Variants in NXPH2 observed in about 807,000 individuals in gnomAD.
NXPH2 encodes the protein neurexophilin 2, also known as neurexophilin-2.
Under a neutral mutation model 19.8 loss-of-function variants are expected in NXPH2, and 5 were observed. That is an observed-to-expected ratio of 0.25 (90% CI 0.13 to 0.53). The LOEUF (loss-of-function observed/expected upper bound fraction) is 0.53, where lower values mean the gene tolerates loss of function less well. Among genes scored for constraint, NXPH2 ranks in the 20% least tolerant of loss-of-function variants. The pLI is 0.96. For synonymous variants in NXPH2, 154 were observed against 127.4 expected (o/e 1.21, Z -1.41); for missense variants, 289 against 322.8 (o/e 0.90, Z 0.80).
intron 1 of NXPH2, among the ~76,000 whole-genome samples, chr2:138,752,142 G>T (rs1284021946): frequency 6.6e-6 from 1 of 152,146 alleles, no homozygotes; most frequent in Non-Finnish European, 1.5e-5. Flanking sequence ...AAGAGAGAAA[G>T]TCCACATATG....
chr2:138,736,686 C>A (rs900323076), intron 1 of NXPH2, among the ~76,000 whole-genome samples: 9 of 152,200 alleles, frequency 5.9e-5, no homozygotes, highest in Admixed American at 1.3e-4. Context: ...GCTTGAATCT[C>A]TCCTCCAAAA....
chr2:138,750,290 T>G (rs1681809423), intron 1 of NXPH2, among the ~76,000 whole-genome samples: 1 of 152,168 alleles, frequency 6.6e-6, no homozygotes, highest in African/African-American at 2.4e-5. Flanking sequence ...TTTTAACATC[T>G]CTCATGAAGT....
At chr2:138,760,454 C>G (rs1317592231) in intron 1 of NXPH2, among the ~76,000 whole-genome samples, 1 of 152,184 alleles carries the variant, frequency 6.6e-6, no homozygotes, top group African/African-American at 2.4e-5. Flanking sequence ...ACAGAGAAAA[C>G]CATACCTCAT....
chr2:138,686,584 G>T (rs1488707036), intron 1 of NXPH2, among the ~76,000 whole-genome samples: 1 of 151,820 alleles, frequency 6.6e-6, no homozygotes, highest in Non-Finnish European at 1.5e-5. Context: ...TAAGTTCTAG[G>T]GTACATGTGC....
At chr2:138,754,182 C>G (rs1681866745) in intron 1 of NXPH2, among the ~76,000 whole-genome samples, 1 of 152,068 alleles carries the variant, frequency 6.6e-6, no homozygotes, top group Non-Finnish European at 1.5e-5. Context: ...CCCCCAGCCT[C>G]TTTATTGATT....
Position 138,704,810 on chromosome 2 carries a change from C to T in NXPH2, c.52-33145G>A, listed in dbSNP as rs547655934. 8.3e-5 allele frequency among the ~76,000 whole-genome samples: 12 copies of T among 145,134 alleles called. No homozygotes were observed. In the South Asian group the frequency reaches 1.4e-3, roughly 17 times the overall value. ...TAGCTGGGACTACATGTGTGCACCA[C>T]CACGCCCAGCTAATTTTTTTTTTTT... On this transcript the variant is annotated intron_variant, in intron 1 of 1. Transcript: ENST00000272641.
chr2:138,717,233 C>T (rs576108683), intron 1 of NXPH2, among the ~76,000 whole-genome samples: 41 of 152,070 alleles, frequency 2.7e-4, no homozygotes, highest in African/African-American at 8.9e-4. Flanking sequence ...AATCATACAC[C>T]TACCCTATGA....
intron 1 of NXPH2, among the ~76,000 whole-genome samples, chr2:138,753,421 G>T (rs1489400495): frequency 6.6e-6 from 1 of 151,938 alleles, no homozygotes; most frequent in East Asian, 1.9e-4. Context: ...TCCTGCCCAG[G>T]TTCTAGAATC....
At chr2:138,688,365 A>T (rs898618100) in intron 1 of NXPH2, among the ~76,000 whole-genome samples, 4 of 152,100 alleles carry the variant, frequency 2.6e-5, no homozygotes, top group African/African-American at 9.7e-5. Flanking sequence ...ATTTTTTAGT[A>T]GATATGGGGT....
chr2:138,760,061 A>C (rs1218966404), intron 1 of NXPH2, among the ~76,000 whole-genome samples: 1 of 152,164 alleles, frequency 6.6e-6, no homozygotes, highest in Non-Finnish European at 1.5e-5. Flanking sequence ...TTTAAGAATC[A>C]TTCTGAATAA....
At chr2:138,678,042 C>T (rs1301979577) in intron 1 of NXPH2, among the ~76,000 whole-genome samples, 1 of 152,212 alleles carries the variant, frequency 6.6e-6, no homozygotes, top group Admixed American at 6.5e-5. Flanking sequence ...TTTGCTCCAG[C>T]ATCCTGTGCA....
intron 1 of NXPH2, among the ~76,000 whole-genome samples, chr2:138,730,394 A>G (rs1372080306): frequency 6.6e-6 from 1 of 151,888 alleles, no homozygotes; most frequent in African/African-American, 2.4e-5. Flanking sequence ...ATCTCCAAAT[A>G]TAGTCACATT....
rs780699146 is a variant in NXPH2 at position 138,669,794 on chromosome 2, A to G, written c.*1128T>C. On this transcript the variant is annotated 3_prime_UTR_variant, in exon 2 of 2. Coordinates refer to ENST00000272641, the MANE Select transcript of NXPH2 (RefSeq NM_007226.3). ...AGAAGGGCACTGACTGTGAAGTGACATTAATTTGAAAGTCATTTCAAAAGT... is the reference window on the plus strand; with the variant it reads ...AGAAGGGCACTGACTGTGAAGTGACGTTAATTTGAAAGTCATTTCAAAAGT... Among the ~76,000 whole-genome samples the G allele has an allele frequency of 6.6e-6, 1 of 152,216 alleles. No homozygotes were observed. The highest frequency in any genetic ancestry group is 1.5e-5 in the Non-Finnish European group (1 of 68,024).
intron 1 of NXPH2, among the ~76,000 whole-genome samples, chr2:138,692,526 C>A (rs1680760959): frequency 6.6e-6 from 1 of 152,116 alleles, no homozygotes; most frequent in African/African-American, 2.4e-5. Context: ...AAAGAGAATT[C>A]TTGAAGATTA....
At chr2:138,766,533 C>A (rs1682096077) in intron 1 of NXPH2, among the ~76,000 whole-genome samples, 1 of 152,150 alleles carries the variant, frequency 6.6e-6, no homozygotes, top group Non-Finnish European at 1.5e-5. Context: ...TGGCTCCCAA[C>A]AACGAGAAAC....
chr2:138,767,352 C>G (rs1682107196), intron 1 of NXPH2, among the ~76,000 whole-genome samples: 2 of 152,228 alleles, frequency 1.3e-5, no homozygotes, highest in Admixed American at 1.3e-4. Flanking sequence ...CCTCATCATC[C>G]CTTTGCTCTA....
rs549347555 is a variant in NXPH2, at chr2:138,759,940, A to G, written c.51+20251T>C. Among the ~76,000 whole-genome samples, 37 of 152,008 alleles carry G rather than the reference A, an allele frequency of 2.4e-4. 1 individual carries two copies. Among genetic ancestry groups the G allele is most frequent in the Non-Finnish European group, 5.1e-4 (35 of 67,998 alleles). On this transcript the variant is annotated intron_variant, in intron 1 of 1. Coordinates refer to ENST00000272641, the MANE Select transcript of NXPH2 (RefSeq NM_007226.3). Reference sequence around the variant, plus strand: ...GAGATGGGATTTCACCATGTTAGCCAGGATGGACTTGATCTCCTGACCTTG... The same window carrying G: ...GAGATGGGATTTCACCATGTTAGCCGGGATGGACTTGATCTCCTGACCTTG...
rs558476302 is a variant in NXPH2, at chr2:138,733,320, C to T, written c.51+46871G>A. Among the ~76,000 whole-genome samples, 17 of 152,260 alleles carry T rather than the reference C, an allele frequency of 1.1e-4. No individual in the cohort carries two copies. The South Asian group carries it at 3.1e-3, about 28-fold the overall frequency. On this transcript the variant is annotated intron_variant, in intron 1 of 1. Coordinates refer to ENST00000272641, the MANE Select transcript of NXPH2 (RefSeq NM_007226.3). The stretch of plus-strand genomic sequence containing the variant: ...TTAACTGAGAGTAACTCAGAAAGAA[C>T]GGATGCGAAGTTACACATATTGAGA...
chr2:138,693,706 T>A (rs1406361176), intron 1 of NXPH2, among the ~76,000 whole-genome samples: 4 of 152,048 alleles, frequency 2.6e-5, no homozygotes, highest in Non-Finnish European at 5.9e-5. Flanking sequence ...TCACTGTAGG[T>A]CTGAGTATAG....
Sources: gnomAD v4.1 joint callset for allele counts (sites outside exome capture counted in the v4.1 genomes callset) on GRCh38, gnomAD v4.1.1 for gene constraint, MANE v1.5 for transcripts, NCBI Gene and HGNC (gene_info 2026-07-23, HGNC 2026-07-21) for gene names.